CREB5: variants seen among roughly 807,000 people sequenced by gnomAD.
CREB5 encodes the protein cAMP responsive element binding protein 5, also known as cyclic AMP-responsive element-binding protein 5.
Under a neutral mutation model 57.1 loss-of-function variants are expected in CREB5, and 19 were observed. The ratio of observed to expected loss-of-function variants is 0.33; its 90% CI spans 0.23 to 0.49. CREB5 has a LOEUF of 0.49. CREB5 is among the 20% of genes least tolerant of loss of function. The pLI is 0.99. For synonymous variants in CREB5, 238 were observed against 238.3 expected, an observed-to-expected ratio of 1.00 and a Z score of 0.01; for missense variants, 579 against 671.6, an observed-to-expected ratio of 0.86 and a Z score of 1.52.
At chr7:28,748,523 T>A (rs1332312130) in intron 7 of CREB5, among the ~76,000 whole-genome samples, 3 of 152,290 alleles carry the variant, frequency 2.0e-5, no homozygotes, top group African/African-American at 7.2e-5. Context: ...TAGAGCTCAG[T>A]GGTATGAAAA....
At chr7:28,654,629 G>A (rs73684238) in intron 5 of CREB5, among the ~76,000 whole-genome samples, 5,332 of 152,202 alleles carry the variant, frequency 0.035, 255 homozygotes, top group East Asian at 0.21. Flanking sequence ...GAACAGGGTC[G>A]CTAGTGATGA....
At chr7:28,365,214 T>C (rs1786562867) in intron 1 of CREB5, among the ~76,000 whole-genome samples, 1 of 152,238 alleles carries the variant, frequency 6.6e-6, no homozygotes, top group African/African-American at 2.4e-5. Flanking sequence ...AATAATTTTT[T>C]GGACCATATC....
At chr7:28,700,961 A>T (rs1034818045) in intron 5 of CREB5, among the ~76,000 whole-genome samples, 6 of 74,800 alleles carry the variant, frequency 8.0e-5, no homozygotes, top group Non-Finnish European at 1.5e-4. Flanking sequence ...CAGGGATTTA[A>T]AAAAAAAAAA....
At chr7:28,671,861 C>T (rs921803972) in intron 5 of CREB5, among the ~76,000 whole-genome samples, 46 of 152,072 alleles carry the variant, frequency 3.0e-4, no homozygotes, top group African/African-American at 1.1e-3. Context: ...TGTGAAGAGA[C>T]CTTACAGATT....
rs143942062 is a variant in CREB5 at position 28,769,590 on chromosome 7, G to C, written c.703-34609G>C. Among the ~76,000 whole-genome samples, 703 of 152,318 alleles carry C rather than the reference G, an allele frequency of 4.6e-3. 8 individuals carry two copies. Among genetic ancestry groups the C allele is most frequent in the African/African-American group, 0.015 (615 of 41,570 alleles). Reference sequence around the variant, plus strand: ...AAGGTGTATGTCTTGTTGATGCTTTGAAATAGTTGAGTTAACTGTACCTTC... The same window carrying C: ...AAGGTGTATGTCTTGTTGATGCTTTCAAATAGTTGAGTTAACTGTACCTTC... On this transcript the variant is annotated intron_variant, in intron 7 of 10. Transcript: ENST00000357727.
At chr7:28,565,944 T>C (rs755311475) in intron 4 of CREB5, among the ~76,000 whole-genome samples, 5 of 152,134 alleles carry the variant, frequency 3.3e-5, no homozygotes, top group Non-Finnish European at 7.4e-5. Flanking sequence ...AAAGAAATTA[T>C]GCCATCTGGA....
chr7:28,685,506 G>A (rs1321705888), intron 5 of CREB5, among the ~76,000 whole-genome samples: 5 of 152,104 alleles, frequency 3.3e-5, no homozygotes, highest in South Asian at 2.1e-4. Context: ...GGCCCTGGGC[G>A]ATGGAAACCC....
chr7:28,622,700 T>G (rs1797851292), intron 5 of CREB5, among the ~76,000 whole-genome samples: 2 of 152,030 alleles, frequency 1.3e-5, no homozygotes, highest in Admixed American at 1.3e-4. Flanking sequence ...CACAAGCCAT[T>G]CTAAATCACC....
At chr7:28,445,837 C>T (rs982683943) in intron 1 of CREB5, among the ~76,000 whole-genome samples, 3 of 152,156 alleles carry the variant, frequency 2.0e-5, no homozygotes, top group Non-Finnish European at 4.4e-5. Flanking sequence ...AGGCGTGAGC[C>T]ACTGCGCCCG....
At chr7:28,555,805 T>C (rs1794842350) in intron 4 of CREB5, among the ~76,000 whole-genome samples, 1 of 152,260 alleles carries the variant, frequency 6.6e-6, no homozygotes, top group Admixed American at 6.5e-5. Flanking sequence ...TGTTCTTATG[T>C]GAATCCCTGA....
chr7:28,437,621 A>G (rs1217889795), intron 1 of CREB5, among the ~76,000 whole-genome samples: 2 of 152,174 alleles, frequency 1.3e-5, no homozygotes, highest in Admixed American at 1.3e-4. Flanking sequence ...AGCACAGCTA[A>G]TTTTACCTAA....
intron 1 of CREB5, among the ~76,000 whole-genome samples, chr7:28,389,384 G>A (rs758853486): frequency 2.2e-4 from 34 of 152,118 alleles, no homozygotes; most frequent in African/African-American, 7.5e-4. Context: ...CAACAACTAC[G>A]TGCACAAACA....
intron 5 of CREB5, chr7:28,686,079 G>A (rs933658860): frequency 1.3e-6 from 2 of 1,553,636 alleles, no homozygotes; most frequent in Non-Finnish European, 1.8e-6. Context: ...GGAATCAAAT[G>A]GGAAGGATAT....
At chr7:28,383,361 T>C (rs1462572573) in intron 1 of CREB5, among the ~76,000 whole-genome samples, 1 of 152,204 alleles carries the variant, frequency 6.6e-6, no homozygotes, top group Admixed American at 6.5e-5. Flanking sequence ...GCTGTATTAG[T>C]CCATTCTTGC....
At chr7:28,642,973 CACACACACACACAT>C (rs1259668379) in intron 5 of CREB5, among the ~76,000 whole-genome samples, 114 of 122,532 alleles carry the variant, frequency 9.3e-4, no homozygotes, top group Non-Finnish European at 1.5e-3. Context: ...CACACACACA[CACACACACACACAT>C]ACACACACAC....
intron 4 of CREB5, among the ~76,000 whole-genome samples, chr7:28,523,362 C>A (rs1793293159): frequency 1.3e-5 from 2 of 152,224 alleles, no homozygotes; most frequent in South Asian, 4.1e-4. Flanking sequence ...ATTATGTTCT[C>A]CCAATTCAAT....
intron 1 of CREB5, among the ~76,000 whole-genome samples, chr7:28,450,422 T>C (rs1205118298): frequency 6.6e-6 from 1 of 152,242 alleles, no homozygotes; most frequent in African/African-American, 2.4e-5. Context: ...GCCATTTGGA[T>C]GCTTGACTCG....
chr7:28,345,921 CT>C (rs1786049937), intron 1 of CREB5, among the ~76,000 whole-genome samples: 1 of 152,062 alleles, frequency 6.6e-6, no homozygotes, highest in South Asian at 2.1e-4. Context: ...AGACAGGCAA[CT>C]TTAGTATGGT....
intron 1 of CREB5, among the ~76,000 whole-genome samples, chr7:28,354,017 G>A (rs542392380): frequency 1.3e-5 from 2 of 152,278 alleles, no homozygotes; most frequent in East Asian, 3.9e-4. Flanking sequence ...CTGGAGATAA[G>A]CAGGAAGTCA....
Sources: gnomAD v4.1 joint callset for allele counts (sites outside exome capture counted in the v4.1 genomes callset) on GRCh38, gnomAD v4.1.1 for gene constraint, MANE v1.5 for transcripts, NCBI Gene and HGNC (gene_info 2026-07-23, HGNC 2026-07-21) for gene names.